STPG2: variants seen among roughly 807,000 people sequenced by gnomAD.
STPG2 encodes the protein sperm-tail PG-rich repeat-containing protein 2.
Under a neutral mutation model 54.2 loss-of-function variants are expected in STPG2, and 56 were observed. That is an observed-to-expected ratio of 1.03 (90% CI 0.83 to 1.29). The LOEUF is 1.29. STPG2 is among the 50% of genes most tolerant of loss of function. STPG2 has a pLI of 0.00. For synonymous variants in STPG2, 200 were observed against 181.8 expected (o/e 1.10, Z -0.81); for missense variants, 596 against 544.9 (o/e 1.09, Z -0.93).
At chr4:97,731,019 G>T (rs535630563) in intron 9 of STPG2, among the ~76,000 whole-genome samples, 6 of 152,106 alleles carry the variant, frequency 3.9e-5, no homozygotes, top group Non-Finnish European at 8.8e-5. Context: ...CTTCAATATG[G>T]TTAGGAACCA....
intron 10 of STPG2, among the ~76,000 whole-genome samples, chr4:97,581,418 GC>G (rs1469034070): frequency 6.6e-6 from 1 of 151,962 alleles, no homozygotes; most frequent in Non-Finnish European, 1.5e-5. Flanking sequence ...ATTATATTTG[GC>G]CTAACTCTGT....
chr4:97,810,018 T>C (rs1302681598), intron 9 of STPG2, among the ~76,000 whole-genome samples: 1 of 152,250 alleles, frequency 6.6e-6, no homozygotes, highest in African/African-American at 2.4e-5. Context: ...AGATGACTAT[T>C]TGTACATATA....
rs942410050 is a variant in STPG2, at chr4:97,560,017, C to T, written c.1321-900G>A. On this transcript the variant is annotated intron_variant, in intron 10 of 10. Transcript: ENST00000295268. ...TTTCTACTTAACAGACAAATCTGAA[C>T]GGTAGGGTGATCATATTTAAACAGT... Among the ~76,000 whole-genome samples, 8 of 152,124 alleles carry T rather than the reference C, an allele frequency of 5.3e-5. No homozygotes were observed. The East Asian group carries it at 5.8e-4, about 11-fold the overall frequency.
chr4:97,588,868 G>A (rs1465976077), intron 10 of STPG2, among the ~76,000 whole-genome samples: 1 of 152,026 alleles, frequency 6.6e-6, no homozygotes, highest in East Asian at 1.9e-4. Context: ...CTAGCACTTA[G>A]CATTTTCTAT....
chr4:97,879,702 A>G (rs959447543), intron 8 of STPG2, among the ~76,000 whole-genome samples: 5 of 152,156 alleles, frequency 3.3e-5, no homozygotes, highest in Non-Finnish European at 7.4e-5. Flanking sequence ...CAATAGATAC[A>G]TATAAACATT....
chr4:98,097,095 GAA>G (rs575901234), intron 5 of STPG2, among the ~76,000 whole-genome samples: 14 of 152,190 alleles, frequency 9.2e-5, no homozygotes, highest in African/African-American at 3.4e-4. Context: ...AAATAGAAAA[GAA>G]GAGATTACTT....
chr4:97,691,368 G>C (rs528634791), intron 10 of STPG2, among the ~76,000 whole-genome samples: 1 of 152,228 alleles, frequency 6.6e-6, no homozygotes, highest in African/African-American at 2.4e-5. Flanking sequence ...CAGGGTACAG[G>C]CTGCGTGGGA....
intron 9 of STPG2, among the ~76,000 whole-genome samples, chr4:97,769,637 C>T (rs1017262633): frequency 1.3e-5 from 2 of 151,828 alleles, no homozygotes; most frequent in African/African-American, 4.8e-5. Context: ...AAATCATCTT[C>T]GTTTCAATTA....
At chr4:97,739,963 A>G (rs1012901282) in intron 9 of STPG2, among the ~76,000 whole-genome samples, 4 of 152,136 alleles carry the variant, frequency 2.6e-5, no homozygotes, top group Non-Finnish European at 5.9e-5. Flanking sequence ...AAAAATCCTC[A>G]ATAAAATACT....
At chr4:97,944,172 A>G (rs1220718731) in intron 7 of STPG2, among the ~76,000 whole-genome samples, 165 bp from the exon 8 acceptor site, 1 of 152,126 alleles carries the variant, frequency 6.6e-6, no homozygotes, top group Non-Finnish European at 1.5e-5. Context: ...CAGAAAGAAA[A>G]AGCTGTAAGT....
At chr4:97,849,465 C>T (rs527717449) in intron 8 of STPG2, among the ~76,000 whole-genome samples, 46 of 152,006 alleles carry the variant, frequency 3.0e-4, no homozygotes, top group African/African-American at 1.0e-3. Flanking sequence ...AAAGAAACTA[C>T]CATCAGAGTG....
intron 5 of STPG2, among the ~76,000 whole-genome samples, chr4:97,995,509 T>A (rs1735175275): frequency 6.6e-6 from 1 of 152,148 alleles, no homozygotes; most frequent in South Asian, 2.1e-4. Flanking sequence ...GATTACATTT[T>A]AAAAAGATAA....
intron 9 of STPG2, among the ~76,000 whole-genome samples, chr4:97,802,507 G>T (rs540518477): frequency 1.3e-5 from 2 of 151,940 alleles, no homozygotes; most frequent in South Asian, 2.1e-4. Context: ...TTTCACTCTG[G>T]TTGCCTGGGT....
intron 9 of STPG2, among the ~76,000 whole-genome samples, chr4:97,798,495 C>G (rs28830830): frequency 9.0e-4 from 137 of 152,210 alleles, no homozygotes; most frequent in Admixed American, 1.4e-3. Context: ...GAGCGGTTTT[C>G]AGTGAGTTTC....
intron 9 of STPG2, among the ~76,000 whole-genome samples, chr4:97,827,397 G>A (rs1267930225): frequency 7.2e-5 from 11 of 151,822 alleles, no homozygotes; most frequent in African/African-American, 1.5e-4. Flanking sequence ...CACCATGTCC[G>A]GATAATTTTT....
intron 2 of STPG2, among the ~76,000 whole-genome samples, chr4:98,130,688 C>T (rs1360199680): frequency 6.6e-6 from 1 of 151,686 alleles, no homozygotes; most frequent in Non-Finnish European, 1.5e-5. Flanking sequence ...TTTGGGAGGC[C>T]GAGGCGGGTG....
chr4:97,452,997 C>T (rs771062377), intron 4 of STPG2, among the ~76,000 whole-genome samples: 17 of 152,148 alleles, frequency 1.1e-4, no homozygotes, highest in Non-Finnish European at 1.6e-4. Flanking sequence ...CAGAACCCAC[C>T]GAATGGTGGA....
intron 6 of STPG2, 43 bp downstream of exon 6, chr4:97,981,116 T>C: frequency 3.8e-6 from 6 of 1,583,658 alleles, no homozygotes; most frequent in Non-Finnish European, 5.1e-6. Flanking sequence ...ATTAAGTTTC[T>C]TTATAAAGCC....
At chr4:97,694,814 A>C (rs1289367426) in intron 10 of STPG2, among the ~76,000 whole-genome samples, 34 of 3,962 alleles carry the variant, frequency 8.6e-3, no homozygotes, top group African/African-American at 0.063. Flanking sequence ...CTCTGTCACA[A>C]AAAAAAAAAA....
Sources: gnomAD v4.1 joint callset for allele counts (sites outside exome capture counted in the v4.1 genomes callset) on GRCh38, gnomAD v4.1.1 for gene constraint, MANE v1.5 for transcripts, NCBI Gene and HGNC (gene_info 2026-07-23, HGNC 2026-07-21) for gene names.